ESRRG: variants seen among roughly 807,000 people sequenced by gnomAD.
ESRRG encodes estrogen-related receptor gamma.
Under a neutral mutation model 44.0 loss-of-function variants are expected in ESRRG, and 13 were observed. That is an observed-to-expected ratio of 0.30 (90% CI 0.19 to 0.47). The LOEUF is 0.47. Ranked by LOEUF, ESRRG falls within the 20% of genes least tolerant of loss-of-function variation. ESRRG has a pLI of 1.00. For synonymous variants in ESRRG, 215 were observed against 214.6 expected (o/e 1.00, Z -0.02); for missense variants, 395 against 580.6 (o/e 0.68, Z 3.29).
At chr1:216,625,095 T>C (rs1404212202) in intron 3 of ESRRG, among the ~76,000 whole-genome samples, 2 of 152,280 alleles carry the variant, frequency 1.3e-5, no homozygotes, top group East Asian at 1.9e-4. Context: ...ACAGTGATCA[T>C]CTTATACGTG....
chr1:216,516,668 C>CACACACAGAGAG (rs376701865), intron 6 of ESRRG, among the ~76,000 whole-genome samples: 97 of 137,238 alleles, frequency 7.1e-4, no homozygotes, highest in African/African-American at 2.6e-3. Context: ...CACACACACA[C>CACACACAGAGAG]AGAGAGAGAG....
At chr1:216,597,292 TAA>T (rs1016740457) in intron 3 of ESRRG, among the ~76,000 whole-genome samples, 17 of 152,166 alleles carry the variant, frequency 1.1e-4, no homozygotes, top group African/African-American at 4.1e-4. Flanking sequence ...TACAGCCGTA[TAA>T]TGCTTGCATT....
chr1:216,712,145 G>A (rs2083743449), intron 1 of ESRRG, among the ~76,000 whole-genome samples: 1 of 152,158 alleles, frequency 6.6e-6, no homozygotes, highest in Admixed American at 6.5e-5. Context: ...ACCTATTAAA[G>A]TCTTGGGTAC....
intron 3 of ESRRG, among the ~76,000 whole-genome samples, chr1:216,582,794 A>T (rs1345010048): frequency 6.6e-6 from 1 of 152,140 alleles, no homozygotes; most frequent in Non-Finnish European, 1.5e-5. Context: ...AATTTCTTGC[A>T]TTGTATGAAA....
intron 1 of ESRRG, among the ~76,000 whole-genome samples, chr1:217,026,536 G>A (rs1019007220): frequency 6.6e-6 from 1 of 152,112 alleles, no homozygotes; most frequent in African/African-American, 2.4e-5. Flanking sequence ...TAGCACCTAG[G>A]TCCTGAGTTT....
intron 1 of ESRRG, among the ~76,000 whole-genome samples, chr1:216,989,427 C>CAAAAA (rs67759463): frequency 1.3e-5 from 1 of 79,340 alleles, no homozygotes; most frequent in Non-Finnish European, 2.5e-5. Context: ...GACTCTGTCT[C>CAAAAA]AAAAAAAAAA....
intron 1 of ESRRG, among the ~76,000 whole-genome samples, chr1:217,026,450 A>T (rs931920027): frequency 1.1e-4 from 17 of 152,316 alleles, no homozygotes; most frequent in Non-Finnish European, 2.4e-4. Context: ...ATGTATGTGC[A>T]CTCAAGGTGA....
chr1:216,657,555 G>A (rs990135842), intron 2 of ESRRG, among the ~76,000 whole-genome samples: 2 of 152,078 alleles, frequency 1.3e-5, no homozygotes, highest in Non-Finnish European at 2.9e-5. Flanking sequence ...ACCCTTAAAG[G>A]TCAATGATTT....
At chr1:216,910,435 A>C (rs1398651683) in intron 2 of ESRRG, among the ~76,000 whole-genome samples, 1 of 152,294 alleles carries the variant, frequency 6.6e-6, no homozygotes, top group East Asian at 1.9e-4. Flanking sequence ...CTTTCCATTC[A>C]TTAGTTTTAT....
intron 2 of ESRRG, among the ~76,000 whole-genome samples, chr1:216,651,791 AG>A (rs1195440045): frequency 1.3e-5 from 2 of 152,216 alleles, no homozygotes; most frequent in African/African-American, 4.8e-5. Flanking sequence ...GTTAGAACAA[AG>A]AATAAACTGC....
intron 3 of ESRRG, among the ~76,000 whole-genome samples, chr1:216,603,018 TA>T (rs2059448218): frequency 6.6e-6 from 1 of 152,174 alleles, no homozygotes; most frequent in African/African-American, 2.4e-5. Context: ...CAAAATCTAA[TA>T]ATAGAGATCT....
chr1:216,670,250 A>G (rs1018533864), intron 2 of ESRRG, among the ~76,000 whole-genome samples: 1 of 152,250 alleles, frequency 6.6e-6, no homozygotes, highest in Non-Finnish European at 1.5e-5. Flanking sequence ...ATGCAACACC[A>G]GGAAAGATCC....
chr1:217,052,326 T>C (rs1472058678), intron 1 of ESRRG, among the ~76,000 whole-genome samples: 1 of 152,180 alleles, frequency 6.6e-6, no homozygotes, highest in Non-Finnish European at 1.5e-5. Context: ...TAAGATTTGG[T>C]GCAGAAAATG....
At chr1:216,882,475 C>CATCCAGCA (rs2096461328) in intron 2 of ESRRG, among the ~76,000 whole-genome samples, 2 of 152,132 alleles carry the variant, frequency 1.3e-5, no homozygotes, top group South Asian at 4.1e-4. Flanking sequence ...CTAGAATATA[C>CATCCAGCA]TCAACAACAT....
chr1:216,756,529 G>C (rs1395275697), intron 2 of ESRRG, among the ~76,000 whole-genome samples: 1 of 151,904 alleles, frequency 6.6e-6, no homozygotes, highest in African/African-American at 2.4e-5. Context: ...TTCTCTCTTT[G>C]ACAGATATAG....
chr1:216,560,424 T>C (rs925936418), intron 5 of ESRRG, among the ~76,000 whole-genome samples: 1 of 152,196 alleles, frequency 6.6e-6, no homozygotes, highest in Non-Finnish European at 1.5e-5. Context: ...ATTGTTAAAA[T>C]ACCATTCTGT....
chr1:216,984,716 AG>A (rs1308468128), intron 1 of ESRRG, among the ~76,000 whole-genome samples: 22 of 152,286 alleles, frequency 1.4e-4, no homozygotes, highest in African/African-American at 4.6e-4. Context: ...AGCCCACAGG[AG>A]AGTTATTTGC....
chr1:217,073,766 G>T (rs1229253456), intron 1 of ESRRG, among the ~76,000 whole-genome samples: 2 of 151,842 alleles, frequency 1.3e-5, no homozygotes, highest in African/African-American at 4.8e-5. Flanking sequence ...AAGGAAGAAA[G>T]GAGGAAGAGA....
chr1:216,898,452 T>G (rs2058678952), intron 2 of ESRRG, among the ~76,000 whole-genome samples: 1 of 152,022 alleles, frequency 6.6e-6, no homozygotes, highest in African/African-American at 2.4e-5. Flanking sequence ...AACCCATCTC[T>G]ACTAAAAATA....
Sources: allele counts gnomAD v4.1 joint callset (sites outside exome capture counted in the v4.1 genomes callset), GRCh38; gene constraint gnomAD v4.1.1; transcripts MANE v1.5; gene names NCBI Gene and HGNC (gene_info 2026-07-23, HGNC 2026-07-21).